Variants in AGBL3 observed in about 807,000 individuals in gnomAD.
AGBL3 encodes the protein cytosolic carboxypeptidase 3.
A neutral mutation model predicts 94.5 loss-of-function variants in AGBL3; 68 were observed. The ratio of observed to expected loss-of-function variants is 0.72; its 90% confidence interval spans 0.59 to 0.88. The LOEUF (loss-of-function observed/expected upper bound fraction) is 0.88. Among genes scored for constraint, AGBL3 ranks in the 40% least tolerant of loss-of-function variants. The pLI is 0.00. For missense variants in AGBL3, 934 were observed against 1,103.8 expected (o/e 0.85, Z 2.18); for synonymous variants, 354 against 370.7 (o/e 0.95, Z 0.52).
chr7:135,106,328 G>A (rs2117083252), intron 15 of AGBL3, among the ~76,000 whole-genome samples: 1 of 152,274 alleles, frequency 6.6e-6, no homozygotes, highest in Middle Eastern at 3.4e-3. Flanking sequence ...AATGCTTCCA[G>A]CTTTTGCCCA....
In AGBL3 at chr7:135,034,502, C is replaced by A. The variant is rs1297740872; in HGVS notation, c.911C>A (p.Thr304Asn). 1.3e-6 allele frequency: 2 copies of A among 1,551,928 alleles called. No individual in the cohort carries two copies. The highest frequency in any genetic ancestry group is 1.2e-5 in the South Asian group (1 of 84,064). ...GCTCATTGCTATCCATACACTTACA[C>A]CAACCTGCAAGAATACCTTTCTGGC... ...YFAHCYPYTY[T>N]NLQEYLSGIN... The change falls in exon 7 of 17, where the codon ACC (threonine) becomes AAC (asparagine). Residue 304 changes from threonine (T) to asparagine (N), a missense_variant. Coordinates refer to ENST00000436302, the MANE Select transcript of AGBL3 (RefSeq NM_178563.4).
intron 16 of AGBL3, among the ~76,000 whole-genome samples, chr7:135,123,579 G>A (rs2117264231): frequency 6.6e-6 from 1 of 152,202 alleles, no homozygotes; most frequent in South Asian, 2.1e-4. Flanking sequence ...TCAACCCCAA[G>A]ACACATAATC....
intron 16 of AGBL3, among the ~76,000 whole-genome samples, chr7:135,122,022 A>AG (rs1037742531): frequency 6.6e-6 from 1 of 152,178 alleles, no homozygotes; most frequent in African/African-American, 2.4e-5. Context: ...AGAGCTCCCC[A>AG]GGGGAGGCAT....
intron 16 of AGBL3, chr7:135,129,818 A>T: frequency 2.0e-6 from 1 of 496,046 alleles, no homozygotes; most frequent in Non-Finnish European, 3.8e-6. Context: ...GATATGGAAG[A>T]ACAAGATTTA....
intron 4 of AGBL3, among the ~76,000 whole-genome samples, chr7:134,999,955 G>A (rs754829495): frequency 1.5e-4 from 23 of 152,208 alleles, no homozygotes; most frequent in Non-Finnish European, 2.6e-4. Flanking sequence ...ATAGAGAGCT[G>A]TTCATAGGGC....
intron 16 of AGBL3, among the ~76,000 whole-genome samples, chr7:135,132,309 A>G (rs1828881732): frequency 1.3e-5 from 2 of 152,242 alleles, no homozygotes; most frequent in Non-Finnish European, 2.9e-5. Context: ...AAAAAGAATT[A>G]TACACCATGA....
At chr7:135,072,208 A>G (rs1213703695) in intron 12 of AGBL3, among the ~76,000 whole-genome samples, 2 of 152,248 alleles carry the variant, frequency 1.3e-5, no homozygotes, top group African/African-American at 4.8e-5. Context: ...TCAAAACCGC[A>G]ATGAGATACC....
chr7:134,997,035 C>T (rs971874344), intron 4 of AGBL3, among the ~76,000 whole-genome samples: 7 of 152,178 alleles, frequency 4.6e-5, no homozygotes, highest in Non-Finnish European at 5.9e-5. Context: ...CCAAACTTTT[C>T]GGCACCAGGG....
intron 15 of AGBL3, among the ~76,000 whole-genome samples, chr7:135,114,726 C>T (rs1234665798): frequency 6.6e-6 from 1 of 152,182 alleles, no homozygotes; most frequent in Non-Finnish European, 1.5e-5. Flanking sequence ...CTGAAGCCTT[C>T]CAAGAGATCT....
chr7:135,102,589 T>TTG (rs1401472424), intron 15 of AGBL3, among the ~76,000 whole-genome samples: 1 of 122,064 alleles, frequency 8.2e-6, no homozygotes, highest in Non-Finnish European at 1.8e-5. Context: ...CCAAGAGTAC[T>TTG]TTCAGTATGA....
intron 15 of AGBL3, among the ~76,000 whole-genome samples, chr7:135,085,833 C>T (rs1317095540): frequency 6.6e-6 from 1 of 151,820 alleles, no homozygotes; most frequent in Non-Finnish European, 1.5e-5. Flanking sequence ...TGGGGTCTTC[C>T]ATGGTTCTGC....
intron 5 of AGBL3, among the ~76,000 whole-genome samples, chr7:135,027,170 T>G (rs1369622950): frequency 6.6e-6 from 1 of 151,476 alleles, no homozygotes; most frequent in Non-Finnish European, 1.5e-5. Context: ...CACCTCAGCC[T>G]CCTGAGAAGC....
At chr7:134,990,975 A>G (rs1311736484) in intron 3 of AGBL3, among the ~76,000 whole-genome samples, 4 of 152,094 alleles carry the variant, frequency 2.6e-5, no homozygotes, top group Non-Finnish European at 5.9e-5. Flanking sequence ...GGTTGAAGCA[A>G]TAAGTTCTGG....
chr7:135,038,744 G>A (rs907273383), intron 8 of AGBL3, among the ~76,000 whole-genome samples: 4 of 152,146 alleles, frequency 2.6e-5, no homozygotes, highest in Admixed American at 6.5e-5. Context: ...GGTGGATCAC[G>A]AGGTCAGGAG....
intron 5 of AGBL3, among the ~76,000 whole-genome samples, chr7:135,032,142 T>A (rs1224709073): frequency 6.6e-6 from 1 of 152,184 alleles, no homozygotes; most frequent in Non-Finnish European, 1.5e-5. Context: ...CATGTATTGA[T>A]CTTCTTTCAA....
chr7:135,056,487 T>C (rs1042165957), intron 11 of AGBL3, among the ~76,000 whole-genome samples: 1 of 152,090 alleles, frequency 6.6e-6, no homozygotes. Context: ...ACACTGGACA[T>C]GGTTATCTAT....
At chr7:135,134,806 T>TG (rs1829256049) in intron 16 of AGBL3, 35 bp from the exon 17 acceptor site, 2 of 1,533,866 alleles carry the variant, frequency 1.3e-6, no homozygotes, top group Non-Finnish European at 1.8e-6. Flanking sequence ...AGGTCCATGA[T>TG]GGACAAAAAT....
intron 15 of AGBL3, among the ~76,000 whole-genome samples, chr7:135,084,135 C>A (rs924189872): frequency 2.6e-5 from 4 of 151,938 alleles, no homozygotes; most frequent in Non-Finnish European, 5.9e-5. Context: ...TGTACCAAAC[C>A]TGTTTCATCC....
At chr7:135,107,657 T>C (rs1163336965) in intron 15 of AGBL3, among the ~76,000 whole-genome samples, 1 of 152,174 alleles carries the variant, frequency 6.6e-6, no homozygotes, top group African/African-American at 2.4e-5. Context: ...TTTTAGAGTA[T>C]GTACCATATG....
Sources: allele counts gnomAD v4.1 joint callset (sites outside exome capture counted in the v4.1 genomes callset), GRCh38; gene constraint gnomAD v4.1.1; transcripts MANE v1.5; gene names NCBI Gene and HGNC (gene_info 2026-07-23, HGNC 2026-07-21).